The following ZNF540 variants were observed in gnomAD, a reference collection of about 807,000 sequenced individuals.
The protein encoded by ZNF540 is CTD-3064H18.6.
A neutral mutation model predicts 11.8 loss-of-function variants in ZNF540; 3 were observed. The observed-to-expected ratio is 0.25, with a 90% CI of 0.12 to 0.65. The LOEUF (loss-of-function observed/expected upper bound fraction) is 0.65. ZNF540 is among the 30% of genes least tolerant of loss of function. The pLI is 0.83. For synonymous variants in ZNF540, 247 were observed against 259.0 expected, an observed-to-expected ratio of 0.95 and a Z score of 0.45; for missense variants, 709 against 793.1, an observed-to-expected ratio of 0.89 and a Z score of 1.27.
At chr19:37,605,570 AC>A (rs2044078749) in intron 4 of ZNF540, among the ~76,000 whole-genome samples, 1 of 152,012 alleles carries the variant, frequency 6.6e-6, no homozygotes, top group African/African-American at 2.4e-5. Flanking sequence ...ATGGCTTGAA[AC>A]TGGAAGGCGG....
intron 1 of ZNF540, among the ~76,000 whole-genome samples, chr19:37,581,551 G>A (rs534241104): frequency 2.7e-5 from 4 of 149,046 alleles, no homozygotes; most frequent in East Asian, 2.0e-4. Flanking sequence ...CTGCAACCTC[G>A]ACCTCGGGGC....
intron 1 of ZNF540, among the ~76,000 whole-genome samples, chr19:37,584,646 G>A (rs1257052938): frequency 6.6e-6 from 1 of 152,116 alleles, no homozygotes; most frequent in African/African-American, 2.4e-5. Context: ...AAAATGATCT[G>A]CTTATTTGGG....
In ZNF540 at chr19:37,569,133, A is replaced by G. The variant is rs1055187271; in HGVS notation, c.-73+17468A>G. 1.3e-5 allele frequency among the ~76,000 whole-genome samples: 2 copies of G among 152,000 alleles called. No homozygotes were observed. Among genetic ancestry groups the G allele is most frequent in the African/African-American group, 4.8e-5 (2 of 41,368 alleles). On this transcript the variant is annotated intron_variant, in intron 1 of 4. Coordinates refer to the ZNF540 transcript ENST00000592533. The surrounding 1 kb of genome is among the most constrained non-coding windows in gnomAD (Gnocchi z 4.4). The stretch of plus-strand genomic sequence containing the variant: ...ATGCCTGGCTCATTTTTGTATTTTT[A>G]GTAGAGATAGGCCTTCACCATATTG...
intron 1 of ZNF540, chr19:37,566,274 C>T (rs1248663817): frequency 6.2e-7 from 1 of 1,611,282 alleles, no homozygotes; most frequent in Non-Finnish European, 8.5e-7. Context: ...TTTTTGGTCA[C>T]ACAACTGGAT....
chr19:37,606,530 C>T (rs1055535773), intron 4 of ZNF540, among the ~76,000 whole-genome samples: 3 of 152,142 alleles, frequency 2.0e-5, no homozygotes, highest in African/African-American at 7.2e-5. Flanking sequence ...TATCGGTGTA[C>T]CTTCCCAATA....
chr19:37,567,508 A>C (rs2042901687), intron 1 of ZNF540: 1 of 151,644 alleles, frequency 6.6e-6, no homozygotes, highest in Non-Finnish European at 1.5e-5. Flanking sequence ...CAATTTCTTC[A>C]ACGTACCTTT....
At chr19:37,562,716 C>G (rs2042731432) in intron 1 of ZNF540, 1 of 152,192 alleles carries the variant, frequency 6.6e-6, no homozygotes, top group African/African-American at 2.4e-5. Flanking sequence ...CTGTTTTTAT[C>G]TGTCATTTGC....
At chr19:37,558,751 G>C (rs773456574) in intron 1 of ZNF540, among the ~76,000 whole-genome samples, 53 of 152,044 alleles carry the variant, frequency 3.5e-4, no homozygotes, top group Non-Finnish European at 7.2e-4. Context: ...TTTGGGATCA[G>C]CTTTCTCATT....
At chr19:37,565,490 C>A in intron 1 of ZNF540, 4 of 1,613,502 alleles carry the variant, frequency 2.5e-6, no homozygotes, top group Non-Finnish European at 3.4e-6. Context: ...AAAGGCCTTT[C>A]CACATTCCTT....
Position 37,596,343 on chromosome 19 carries a change from C to T in ZNF540, c.-73+1248C>T, listed in dbSNP as rs140439211. On this transcript the variant is annotated intron_variant, in intron 1 of 4. Transcript: ENST00000316433. ...AAAGAGACAGGCTCTCACTGTCTCACCCAGGCTGGAGTGCAGTGGTGCAGT... is the reference window on the plus strand; with the variant it reads ...AAAGAGACAGGCTCTCACTGTCTCATCCAGGCTGGAGTGCAGTGGTGCAGT... Among the ~76,000 whole-genome samples, 694 of 152,296 alleles carry T rather than the reference C, an allele frequency of 4.6e-3. 4 individuals carry two copies. Among genetic ancestry groups the T allele is most frequent in the African/African-American group, 0.016 (672 of 41,554 alleles).
intron 1 of ZNF540, chr19:37,585,589 A>T (rs2043643313): frequency 6.6e-6 from 1 of 152,184 alleles, no homozygotes; most frequent in Non-Finnish European, 1.5e-5. Context: ...CCTGATATGG[A>T]GACAGAACTC....
chr19:37,576,062 C>T (rs1426253638), intron 1 of ZNF540, among the ~76,000 whole-genome samples: 1 of 152,134 alleles, frequency 6.6e-6, no homozygotes, highest in Non-Finnish European at 1.5e-5. Context: ...CACACACACA[C>T]ACAAGTTCAT....
intron 1 of ZNF540, among the ~76,000 whole-genome samples, chr19:37,587,872 G>A (rs2043731489): frequency 6.6e-6 from 1 of 151,836 alleles, no homozygotes; most frequent in Non-Finnish European, 1.5e-5. Flanking sequence ...TAGTCCCAGG[G>A]AGGCCGAGGC....
At chr19:37,597,334 G>C (rs1360725561) in intron 1 of ZNF540, 2 of 152,102 alleles carry the variant, frequency 1.3e-5, no homozygotes, top group Non-Finnish European at 2.9e-5. Context: ...GTTCAGGCTA[G>C]GAAAAGGGAT....
intron 4 of ZNF540, among the ~76,000 whole-genome samples, chr19:37,602,809 G>C (rs932178717): frequency 3.9e-5 from 6 of 152,124 alleles, no homozygotes; most frequent in African/African-American, 1.4e-4. Context: ...GAAAGAAGCT[G>C]GTGGTGACCT....
chr19:37,589,851 C>A, upstream of ZNF540, among the ~76,000 whole-genome samples: 1 of 92,540 alleles, frequency 1.1e-5, no homozygotes. Context: ...GGCAACAGAG[C>A]AAGACTCCAT....
intron 1 of ZNF540, among the ~76,000 whole-genome samples, chr19:37,581,156 C>A (rs2043443656): frequency 6.6e-6 from 1 of 152,126 alleles, no homozygotes; most frequent in South Asian, 2.1e-4. Context: ...AAAATTTATT[C>A]ACATCTTTCA....
At position 37,571,578 on chromosome 19, in the gene ZNF540, T is replaced by G. The variant is rs914945204; in HGVS notation, c.-73+19913T>G. Among the ~76,000 whole-genome samples the G allele has an allele frequency of 3.3e-5, 5 of 152,326 alleles. 1 individual carries two copies. The highest frequency in any genetic ancestry group is 3.4e-3 in the Middle Eastern group (1 of 294). On this transcript the variant is annotated intron_variant, in intron 1 of 4. Coordinates refer to the ZNF540 transcript ENST00000592533. ...ACCATACACAAGGTTCCCCAACTTA[T>G]GATACTTAGACTTAAGATTTTTCAA...
At position 37,611,930 on chromosome 19, in the gene ZNF540, G is replaced by C. The variant is rs758918746; in HGVS notation, c.650G>C (p.Cys217Ser). Residue 217 changes from cysteine (C) to serine (S), a missense_variant, in exon 5 of 5, where the codon TGT (cysteine) becomes TCT (serine). By Grantham distance (112) the Cys-to-Ser change is moderately radical. Coordinates refer to ENST00000316433, the MANE Select transcript of ZNF540 (RefSeq NM_001172225.3). ...CATACTGGTGAAAAATCCTGTAAAT[G>C]TGAGAAATGTGGGAAAGTTTTTAGT... ...KIHTGEKSCK[C>S]EKCGKVFSHS... The C allele has an allele frequency of 6.2e-7, 1 of 1,613,654 alleles. No individual in the cohort carries two copies. Among genetic ancestry groups the C allele is most frequent in the Non-Finnish European group, 8.5e-7 (1 of 1,179,954 alleles).
Sources: allele counts gnomAD v4.1 joint callset (sites outside exome capture counted in the v4.1 genomes callset), GRCh38; gene constraint gnomAD v4.1.1; non-coding constraint Gnocchi (gnomAD v3.1); transcripts MANE v1.5; gene names NCBI Gene and HGNC (gene_info 2026-07-23, HGNC 2026-07-21).